The following SLC25A17 variants were observed in gnomAD, a reference collection of about 807,000 sequenced individuals.
SLC25A17 encodes the protein peroxisomal membrane protein PMP34.
In SLC25A17, 26 loss-of-function variants were observed where a neutral mutation model predicts 38.5. That is an observed-to-expected ratio of 0.68 (90% CI 0.50 to 0.94). The LOEUF (loss-of-function observed/expected upper bound fraction) is 0.94. Ranked by LOEUF, SLC25A17 falls within the 40% of genes least tolerant of loss-of-function variation. The pLI is 0.00. For missense variants in SLC25A17, 333 were observed against 372.7 expected, an observed-to-expected ratio of 0.89 and a Z score of 0.88; for synonymous variants, 139 against 136.2, an observed-to-expected ratio of 1.02 and a Z score of -0.14.
At position 40,769,680 on chromosome 22, in the gene SLC25A17, T is replaced by A. The variant is rs1433409518; in HGVS notation, c.*1154A>T. The A allele has an allele frequency of 6.6e-6, 1 of 152,184 alleles. No homozygotes were observed. Among genetic ancestry groups the A allele is most frequent in the Non-Finnish European group, 1.5e-5 (1 of 68,044 alleles). 9.4% of individuals were successfully genotyped at this position (152,184 alleles called of 1,614,324 possible). On this transcript the variant is annotated 3_prime_UTR_variant, in exon 9 of 9. Coordinates refer to ENST00000435456, the MANE Select transcript of SLC25A17 (RefSeq NM_006358.4). ...ATTAATCTCTTTCCTTTGAGAAAAA[T>A]CTTTATCTTGATGTCTATAATCGAA...
chr22:40,786,048 C>A (rs1161885679), intron 4 of SLC25A17, among the ~76,000 whole-genome samples: 4 of 152,230 alleles, frequency 2.6e-5, no homozygotes, highest in African/African-American at 4.8e-5. Flanking sequence ...CAGTGGCTCA[C>A]GCCTGTAATC....
intron 1 of SLC25A17, among the ~76,000 whole-genome samples, chr22:40,812,583 TG>T (rs2057593939): frequency 6.6e-6 from 1 of 152,004 alleles, no homozygotes; most frequent in African/African-American, 2.4e-5. Context: ...AAACTAGTGG[TG>T]GGGGTAAAAA....
chr22:40,788,193 A>G (rs1381157082), intron 4 of SLC25A17, among the ~76,000 whole-genome samples: 2 of 152,224 alleles, frequency 1.3e-5, no homozygotes, highest in African/African-American at 4.8e-5. Flanking sequence ...ACTTATACGC[A>G]TGTAATACCT....
chr22:40,792,630 A>C lies in SLC25A17; in HGVS notation c.229T>G (p.Cys77Gly), dbSNP rs1387072990. The C allele has an allele frequency of 6.2e-7, 1 of 1,614,162 alleles. No individual in the cohort carries two copies. The highest frequency in any genetic ancestry group is 1.7e-5 in the Admixed American group (1 of 60,016). The change falls in exon 4 of 9, where the codon TGC becomes GGC. Residue 77 changes from cysteine (C) to glycine (G), a missense_variant. Transcript: ENST00000435456. ...GWFPVISSLC[C>G]SNFVYFYTFN... Reference sequence around the variant, plus strand: ...GTGTAGAAATAGACAAAATTGGAGCAGCAGAGACTGGAAATCACTGGAAAC... The same window carrying C: ...GTGTAGAAATAGACAAAATTGGAGCCGCAGAGACTGGAAATCACTGGAAAC...
At chr22:40,801,332 G>A (rs1039597279) in intron 1 of SLC25A17, among the ~76,000 whole-genome samples, 3 of 151,452 alleles carry the variant, frequency 2.0e-5, no homozygotes, top group African/African-American at 7.3e-5. Flanking sequence ...GCTTACAATT[G>A]GTTGTTCAGT....
chr22:40,779,154 G>C (rs2057273653), intron 4 of SLC25A17, 29 bp from the exon 5 acceptor site: 2 of 1,614,032 alleles, frequency 1.2e-6, no homozygotes, highest in Non-Finnish European at 1.7e-6. Context: ...AGAGAAAAAG[G>C]GAAGGCAAAA....
At chr22:40,801,537 T>C (rs189567444) in intron 1 of SLC25A17, among the ~76,000 whole-genome samples, 4 of 152,320 alleles carry the variant, frequency 2.6e-5, no homozygotes, top group African/African-American at 9.6e-5. Context: ...TAACTGTTCT[T>C]TTCTAGTCAT....
At chr22:40,786,991 C>T (rs1345886137) in intron 4 of SLC25A17, among the ~76,000 whole-genome samples, 1 of 152,152 alleles carries the variant, frequency 6.6e-6, no homozygotes, top group Non-Finnish European at 1.5e-5. Flanking sequence ...TAATCTCTGC[C>T]TTTAAGGAGC....
chr22:40,773,367 G>A (rs1569397631), intron 8 of SLC25A17, among the ~76,000 whole-genome samples: 1 of 134,390 alleles, frequency 7.4e-6, no homozygotes. Flanking sequence ...CGGAGATAGC[G>A]CCACTGCACT....
At chr22:40,806,580 TA>T (rs1030708223) in intron 1 of SLC25A17, among the ~76,000 whole-genome samples, 6 of 150,532 alleles carry the variant, frequency 4.0e-5, no homozygotes, top group Non-Finnish European at 7.4e-5. Flanking sequence ...TCAAGGGGCT[TA>T]AAAAAAAAGG....
chr22:40,788,293 T>G (rs547477288), intron 4 of SLC25A17, among the ~76,000 whole-genome samples: 1 of 152,346 alleles, frequency 6.6e-6, no homozygotes, highest in African/African-American at 2.4e-5. Flanking sequence ...GGGCTTAATT[T>G]AACAGATGAA....
At chr22:40,783,804 C>T (rs2057314102) in intron 4 of SLC25A17, among the ~76,000 whole-genome samples, 1 of 151,204 alleles carries the variant, frequency 6.6e-6, no homozygotes, top group Admixed American at 6.6e-5. Flanking sequence ...CTCCTGGGTT[C>T]AAGTGATTCT....
At chr22:40,805,897 T>C (rs1476845592) in intron 1 of SLC25A17, among the ~76,000 whole-genome samples, 6 of 152,204 alleles carry the variant, frequency 3.9e-5, no homozygotes, top group South Asian at 2.1e-4. Flanking sequence ...TACAGCCGGA[T>C]TACTATTACG....
chr22:40,790,556 C>T (rs756257966), intron 4 of SLC25A17, among the ~76,000 whole-genome samples: 7 of 152,000 alleles, frequency 4.6e-5, no homozygotes, highest in African/African-American at 7.3e-5. Context: ...CCTACTATAC[C>T]AGTCCAGCTG....
intron 4 of SLC25A17, chr22:40,780,109 T>A (rs886430442): frequency 1.3e-5 from 2 of 152,182 alleles, no homozygotes; most frequent in Non-Finnish European, 2.9e-5. Context: ...CTAAAATCCA[T>A]TTAAAGATAA....
chr22:40,779,457 CG>C lies in SLC25A17; in HGVS notation c.335-333del, dbSNP rs1471098717. ...GATATAGCTTTAAATATAATTTTAACGTAACAGCTTTAGAGATGAGAGTGGC... is the reference window on the plus strand; with the variant it reads ...GATATAGCTTTAAATATAATTTTAACTAACAGCTTTAGAGATGAGAGTGGC... On this transcript the variant is annotated intron_variant, in intron 4 of 8. Transcript: ENST00000435456. 7.4e-6 allele frequency: 4 copies of C among 544,130 alleles called. No individual in the cohort carries two copies. In the African/African-American group the frequency reaches 7.5e-5, roughly 10 times the overall value. The allele number at this position is 544,130 out of a possible 1,614,324, so 33.7% of individuals were successfully genotyped here.
chr22:40,818,506 C>G (rs1166330205), intron 1 of SLC25A17, among the ~76,000 whole-genome samples: 3 of 151,922 alleles, frequency 2.0e-5, no homozygotes, highest in Non-Finnish European at 4.4e-5. Flanking sequence ...GCCAGGAATT[C>G]GAGACCAGCC....
chr22:40,777,927 C>T (rs183560258), intron 5 of SLC25A17, among the ~76,000 whole-genome samples: 2 of 152,130 alleles, frequency 1.3e-5, no homozygotes, highest in East Asian at 1.9e-4. Context: ...TCCTGATGAT[C>T]GAATCCTCCT....
At chr22:40,772,358 G>A (rs2057192329) in intron 8 of SLC25A17, among the ~76,000 whole-genome samples, 1 of 152,164 alleles carries the variant, frequency 6.6e-6, no homozygotes, top group Non-Finnish European at 1.5e-5. Flanking sequence ...AGGCTAGAGT[G>A]CAGTGGCACA....
Sources: gnomAD v4.1 joint callset for allele counts (sites outside exome capture counted in the v4.1 genomes callset) on GRCh38, gnomAD v4.1.1 for gene constraint, MANE v1.5 for transcripts, NCBI Gene and HGNC (gene_info 2026-07-23, HGNC 2026-07-21) for gene names.